Variants in CHRM2 observed in about 807,000 individuals in gnomAD.
CHRM2 encodes the protein muscarinic acetylcholine receptor M2.
In CHRM2, 8 loss-of-function variants were observed where a neutral mutation model predicts 25.0. The ratio of observed to expected loss-of-function variants is 0.32; its 90% CI spans 0.19 to 0.58. CHRM2 has a LOEUF of 0.58. Among genes scored for constraint, CHRM2 ranks in the 20% least tolerant of loss-of-function variants. The pLI is 0.88. For synonymous variants in CHRM2, 202 were observed against 205.7 expected, an observed-to-expected ratio of 0.98 and a Z score of 0.15; for missense variants, 440 against 567.1, an observed-to-expected ratio of 0.78 and a Z score of 2.28.
chr7:136,940,219 G>A (rs999400022), intron 2 of CHRM2, among the ~76,000 whole-genome samples: 4 of 152,190 alleles, frequency 2.6e-5, no homozygotes, highest in Admixed American at 1.3e-4. Context: ...AGCACTTCAT[G>A]CCACAGTAAA....
intron 2 of CHRM2, among the ~76,000 whole-genome samples, chr7:136,894,830 A>G (rs991264902): frequency 1.3e-5 from 2 of 152,216 alleles, no homozygotes; most frequent in Admixed American, 6.5e-5. Flanking sequence ...GGAATTCACA[A>G]AAAATAGTAT....
chr7:136,943,070 G>T (rs1052762420), intron 2 of CHRM2, among the ~76,000 whole-genome samples: 4 of 152,090 alleles, frequency 2.6e-5, no homozygotes, highest in Non-Finnish European at 5.9e-5. Flanking sequence ...CAGCCATTTA[G>T]CCTTTCTTTG....
At chr7:136,996,464 G>T (rs530017797) in intron 3 of CHRM2, among the ~76,000 whole-genome samples, 18 of 151,948 alleles carry the variant, frequency 1.2e-4, no homozygotes, top group African/African-American at 4.3e-4. Flanking sequence ...TCTTATTTTT[G>T]TTACTAGCTA....
At chr7:136,978,526 T>C (rs1802263986) in intron 2 of CHRM2, among the ~76,000 whole-genome samples, 1 of 152,216 alleles carries the variant, frequency 6.6e-6, no homozygotes, top group Admixed American at 6.5e-5. Flanking sequence ...TAGGTATACA[T>C]GTGCCATGGT....
chr7:136,874,819 T>C (rs1795984320), intron 2 of CHRM2, among the ~76,000 whole-genome samples: 1 of 151,994 alleles, frequency 6.6e-6, no homozygotes, highest in South Asian at 2.1e-4. Context: ...GTTTACTATG[T>C]ATACAGTTAT....
rs114842560 is a variant in CHRM2, at chr7:136,892,475, T to C, written c.-125+23057T>C. 5.1e-3 allele frequency among the ~76,000 whole-genome samples: 775 copies of C among 151,998 alleles called. 5 individuals are homozygous for C. The highest frequency in any genetic ancestry group is 0.018 in the African/African-American group (729 of 41,424). ...CTCAAGGACAAGAAAAAAAAAATGA[T>C]TCATGGGACGAGCAGAATGATGTTG... On this transcript the variant is annotated intron_variant, in intron 2 of 3. Coordinates refer to ENST00000680005, the MANE Select transcript of CHRM2 (RefSeq NM_001006630.2).
intron 2 of CHRM2, among the ~76,000 whole-genome samples, chr7:136,959,505 T>G (rs547937132): frequency 1.3e-5 from 2 of 152,210 alleles, no homozygotes; most frequent in African/African-American, 4.8e-5. Context: ...AGTTTAAAAG[T>G]AGCCACAGAA....
At chr7:136,927,176 C>A (rs1378095669) in intron 2 of CHRM2, among the ~76,000 whole-genome samples, 1 of 152,182 alleles carries the variant, frequency 6.6e-6, no homozygotes, top group Non-Finnish European at 1.5e-5. Flanking sequence ...ACACAGTAAG[C>A]ACTCAATATG....
chr7:136,881,441 G>A (rs1426282192), intron 2 of CHRM2, among the ~76,000 whole-genome samples: 1 of 151,516 alleles, frequency 6.6e-6, no homozygotes, highest in Non-Finnish European at 1.5e-5. Flanking sequence ...ATTTTAGCCA[G>A]GCATTAGAGA....
chr7:136,884,016 A>G (rs1238798270), intron 2 of CHRM2, among the ~76,000 whole-genome samples: 1 of 152,154 alleles, frequency 6.6e-6, no homozygotes, highest in Non-Finnish European at 1.5e-5. Flanking sequence ...TAGGGTTTTC[A>G]TTAATCATTG....
intron 2 of CHRM2, among the ~76,000 whole-genome samples, chr7:136,912,278 C>A (rs1797884106): frequency 6.6e-6 from 1 of 151,894 alleles, no homozygotes; most frequent in Non-Finnish European, 1.5e-5. Context: ...CTTTTTTCAG[C>A]CTTCTACAAA....
chr7:136,884,573 T>C (rs1165984381), intron 2 of CHRM2, among the ~76,000 whole-genome samples: 1 of 152,064 alleles, frequency 6.6e-6, no homozygotes, highest in East Asian at 1.9e-4. Flanking sequence ...GTTGAGGAAC[T>C]GGTGTTTTCT....
intron 2 of CHRM2, among the ~76,000 whole-genome samples, chr7:136,907,228 G>T (rs1006529425): frequency 1.3e-4 from 20 of 151,852 alleles, no homozygotes; most frequent in Non-Finnish European, 2.8e-4. Context: ...AACCAGTATT[G>T]GTCTGTGGCC....
chr7:137,012,443 T>G (rs925124964), intron 3 of CHRM2, among the ~76,000 whole-genome samples: 7 of 152,170 alleles, frequency 4.6e-5, no homozygotes, highest in Admixed American at 4.6e-4. Flanking sequence ...TTTCCCTGAT[T>G]AAACTCTTCA....
intron 3 of CHRM2, among the ~76,000 whole-genome samples, chr7:137,001,685 G>T (rs966249897): frequency 6.6e-6 from 1 of 152,106 alleles, no homozygotes; most frequent in Non-Finnish European, 1.5e-5. Context: ...ATCACCAAAG[G>T]ACTAGCAATA....
rs77803465 is a variant in CHRM2 at position 136,905,572 on chromosome 7, T to C, written c.-125+36154T>C. Among the ~76,000 whole-genome samples the C allele has an allele frequency of 6.3e-3, 950 of 151,934 alleles. 13 individuals carry two copies. The highest frequency in any genetic ancestry group is 0.037 in the Middle Eastern group (11 of 294). On this transcript the variant is annotated intron_variant, in intron 2 of 3. Coordinates refer to ENST00000680005, the MANE Select transcript of CHRM2 (RefSeq NM_001006630.2). ...GAAACTAATATGGCTGCTTCCTATT[T>C]CTTCTGTTTTAGTTTGCCTAAAAGA...
intron 2 of CHRM2, among the ~76,000 whole-genome samples, chr7:136,916,677 A>G (rs2130712015): frequency 6.6e-6 from 1 of 150,482 alleles, no homozygotes; most frequent in Admixed American, 6.6e-5. Context: ...ATATATTAAT[A>G]TTAATATAAT....
chr7:136,945,105 G>A (rs1799996930), intron 2 of CHRM2, among the ~76,000 whole-genome samples: 1 of 151,702 alleles, frequency 6.6e-6, no homozygotes, highest in African/African-American at 2.4e-5. Flanking sequence ...CTTGATTTGA[G>A]TTCTTTATAG....
chr7:136,906,204 T>C (rs1797536219), intron 2 of CHRM2, among the ~76,000 whole-genome samples: 1 of 150,926 alleles, frequency 6.6e-6, no homozygotes, highest in African/African-American at 2.4e-5. Flanking sequence ...CGTATATATA[T>C]ATACGCACAC....
Sources: allele counts gnomAD v4.1 joint callset (sites outside exome capture counted in the v4.1 genomes callset), GRCh38; gene constraint gnomAD v4.1.1; transcripts MANE v1.5; gene names NCBI Gene and HGNC (gene_info 2026-07-23, HGNC 2026-07-21).